RANBP2: variants seen among roughly 807,000 people sequenced by gnomAD.
RANBP2 encodes the protein E3 SUMO-protein ligase RanBP2.
A neutral mutation model predicts 303.6 loss-of-function variants in RANBP2; 57 were observed. That is an observed-to-expected ratio of 0.19 (90% CI 0.15 to 0.23). RANBP2 has a LOEUF of 0.23. Among genes scored for constraint, RANBP2 ranks in the 10% least tolerant of loss-of-function variants. The pLI, the probability that RANBP2 is intolerant of heterozygous loss-of-function variation, is 1.00. For missense variants in RANBP2, 3,138 were observed against 3,780.8 expected (o/e 0.83, Z 4.46); for synonymous variants, 1,167 against 1,301.5 (o/e 0.90, Z 2.23).
the RANBP2 span, among the ~76,000 whole-genome samples, chr2:109,500,351 G>A: frequency 6.6e-6 from 1 of 152,130 alleles, no homozygotes; most frequent in East Asian, 1.9e-4. Flanking sequence ...AGCCCAGAGA[G>A]CCCCTGGGGT....
chr2:109,688,319 C>T, the RANBP2 span, among the ~76,000 whole-genome samples: 1 of 152,158 alleles, frequency 6.6e-6, no homozygotes, highest in Non-Finnish European at 1.5e-5. Context: ...CCTCGTTCCT[C>T]AGAGGACATC....
chr2:109,722,249 T>C, the RANBP2 span, among the ~76,000 whole-genome samples: 4 of 152,200 alleles, frequency 2.6e-5, no homozygotes, highest in African/African-American at 9.6e-5. Flanking sequence ...TTGATGCTGC[T>C]TGCAGGACAC....
At chr2:109,579,259 A>C in the RANBP2 span, among the ~76,000 whole-genome samples, 3 of 152,202 alleles carry the variant, frequency 2.0e-5, no homozygotes, top group East Asian at 5.8e-4. Context: ...ATTGTCCTAT[A>C]ATCATTTTTT....
the RANBP2 span, among the ~76,000 whole-genome samples, chr2:108,872,574 A>T: frequency 6.6e-6 from 1 of 152,172 alleles, no homozygotes; most frequent in African/African-American, 2.4e-5. Flanking sequence ...TTAATGGCGT[A>T]TATTCTAGAG....
At chr2:108,866,880 G>GA in the RANBP2 span, among the ~76,000 whole-genome samples, 66 of 139,568 alleles carry the variant, frequency 4.7e-4, no homozygotes, top group South Asian at 1.1e-3. Context: ...AAGACTGTCT[G>GA]AAAAAAAAAA....
At chr2:109,484,436 C>G in the RANBP2 span, among the ~76,000 whole-genome samples, 1 of 152,128 alleles carries the variant, frequency 6.6e-6, no homozygotes, top group African/African-American at 2.4e-5. Flanking sequence ...CCCGCACCTG[C>G]TTTTTGCTAG....
chr2:108,773,665 G>A (rs570347975), intron 23 of RANBP2, among the ~76,000 whole-genome samples: 218 of 150,656 alleles, frequency 1.4e-3, no homozygotes, highest in Admixed American at 9.9e-4. Flanking sequence ...TTTTTTGGGG[G>A]GGGATGGAGT....
the RANBP2 span, among the ~76,000 whole-genome samples, chr2:109,154,287 A>G: frequency 6.6e-6 from 1 of 152,114 alleles, no homozygotes; most frequent in Non-Finnish European, 1.5e-5. Flanking sequence ...TGGAGGGACC[A>G]AGGAAGGGAG....
At chr2:109,596,410 G>A in the RANBP2 span, among the ~76,000 whole-genome samples, 1 of 152,064 alleles carries the variant, frequency 6.6e-6, no homozygotes, top group Admixed American at 6.6e-5. Context: ...GAGGTCAGGA[G>A]ATCAAGACCA....
In RANBP2 at chr2:108,766,584, A is replaced by G. The variant is rs770460802; in HGVS notation, c.6045A>G (p.Pro2015=). The change falls in exon 20 of 29, where the codon CCA becomes CCG. Residue 2015 remains proline (P), a synonymous_variant. Coordinates refer to ENST00000283195, the MANE Select transcript of RANBP2 (RefSeq NM_006267.5). Reference sequence around the variant, plus strand: ...ACAGCGATGACATCCATTTTGAACCAGTAGTTCAAATGCCCGAAAAAGTAG... The same window carrying G: ...ACAGCGATGACATCCATTTTGAACCGGTAGTTCAAATGCCCGAAAAAGTAG... ...TEDSDDIHFE[P]VVQMPEKVEL... 2.5e-6 allele frequency: 4 copies of G among 1,612,034 alleles called. No homozygotes were observed. In the South Asian group the frequency reaches 3.3e-5, roughly 13 times the overall value.
the RANBP2 span, among the ~76,000 whole-genome samples, chr2:109,133,043 A>G: frequency 6.6e-6 from 1 of 152,240 alleles, no homozygotes; most frequent in Non-Finnish European, 1.5e-5. Context: ...GCACTATTAT[A>G]GGTAAACAAG....
chr2:108,873,404 T>G, the RANBP2 span: 3 of 1,424,872 alleles, frequency 2.1e-6, no homozygotes, highest in East Asian at 7.6e-5. Flanking sequence ...TTTAATTTCC[T>G]TTTTCGCTAC....
At chr2:108,877,632 C>A in the RANBP2 span, among the ~76,000 whole-genome samples, 2 of 152,062 alleles carry the variant, frequency 1.3e-5, no homozygotes, top group Non-Finnish European at 2.9e-5. Context: ...ATGGCAGATA[C>A]TAGGACAGAG....
At chr2:108,813,999 A>G in the RANBP2 span, among the ~76,000 whole-genome samples, 1 of 152,158 alleles carries the variant, frequency 6.6e-6, no homozygotes, top group African/African-American at 2.4e-5. Context: ...CTGTTGATAG[A>G]CACCTGGGCT....
the RANBP2 span, among the ~76,000 whole-genome samples, chr2:109,652,385 G>A: frequency 6.8e-6 from 1 of 147,772 alleles, no homozygotes; most frequent in African/African-American, 2.4e-5. Flanking sequence ...ACCACGCCCG[G>A]CTAATTTTTT....
At chr2:109,179,002 A>AGTGTGTGTGT in the RANBP2 span, among the ~76,000 whole-genome samples, 13 of 47,234 alleles carry the variant, frequency 2.8e-4, no homozygotes, top group South Asian at 4.5e-3. Flanking sequence ...AAAGTATAAT[A>AGTGTGTGTGT]ATGTGTGTGT....
the RANBP2 span, among the ~76,000 whole-genome samples, chr2:108,834,998 C>G: frequency 6.6e-6 from 1 of 152,208 alleles, no homozygotes; most frequent in Non-Finnish European, 1.5e-5. Context: ...TCAAATGGAT[C>G]TTGAAATAAG....
the RANBP2 span, among the ~76,000 whole-genome samples, chr2:109,152,389 T>C: frequency 2.0e-5 from 3 of 152,174 alleles, no homozygotes; most frequent in Non-Finnish European, 4.4e-5. Context: ...TTAGCTGACA[T>C]GTACAGCAAA....
the RANBP2 span, among the ~76,000 whole-genome samples, chr2:109,550,853 C>T: frequency 5.9e-5 from 9 of 152,070 alleles, no homozygotes; most frequent in South Asian, 2.1e-4. Context: ...ATGGTTGTAA[C>T]GTAGCTGCAT....
Sources: allele counts gnomAD v4.1 joint callset (sites outside exome capture counted in the v4.1 genomes callset), GRCh38; gene constraint gnomAD v4.1.1; transcripts MANE v1.5; gene names NCBI Gene and HGNC (gene_info 2026-07-23, HGNC 2026-07-21).